Variants in MAGI2 observed in about 807,000 individuals in gnomAD.
The protein encoded by MAGI2 is membrane-associated guanylate kinase, WW and PDZ domain-containing protein 2.
Under a neutral mutation model 133.3 loss-of-function variants are expected in MAGI2, and 35 were observed. The ratio of observed to expected loss-of-function variants is 0.26; its 90% CI spans 0.20 to 0.35. MAGI2 has a LOEUF of 0.35. Ranked by LOEUF, MAGI2 falls within the 10% of genes least tolerant of loss-of-function variation. MAGI2 has a pLI of 1.00. For synonymous variants in MAGI2, 729 were observed against 710.6 expected, an observed-to-expected ratio of 1.03 and a Z score of -0.41; for missense variants, 1,636 against 1,863.4, an observed-to-expected ratio of 0.88 and a Z score of 2.25.
rs150358429 is a variant in MAGI2, at chr7:79,033,700, C to A, written c.302-26494G>T. 3.9e-3 allele frequency among the ~76,000 whole-genome samples: 593 copies of A among 152,234 alleles called. 3 individuals are homozygous for A. The highest frequency in any genetic ancestry group is 0.014 in the African/African-American group (561 of 41,554). On this transcript the variant is annotated intron_variant, in intron 1 of 21. Transcript: ENST00000354212. ...TTGGTTAGAAAAATTGTAGTGGATT[C>A]ATTGTTATTACATGAACAAAGCATA...
At chr7:78,539,478 GTTTT>G (rs558119871) in intron 3 of MAGI2, among the ~76,000 whole-genome samples, 1 of 142,496 alleles carries the variant, frequency 7.0e-6, no homozygotes, top group African/African-American at 2.5e-5. Context: ...TAGTTTTTTT[GTTTT>G]TTTGTTTTTT....
intron 1 of MAGI2, among the ~76,000 whole-genome samples, chr7:79,445,102 G>T (rs1848752561): frequency 6.6e-6 from 1 of 152,126 alleles, no homozygotes; most frequent in Admixed American, 6.5e-5. Flanking sequence ...TGGGAAAACT[G>T]GCTAGCCATA....
chr7:79,115,342 A>T (rs1181860077), intron 1 of MAGI2, among the ~76,000 whole-genome samples: 2 of 152,242 alleles, frequency 1.3e-5, no homozygotes, highest in Non-Finnish European at 2.9e-5. Flanking sequence ...AATTTAAAAC[A>T]GAAATTCAAT....
intron 7 of MAGI2, among the ~76,000 whole-genome samples, chr7:78,348,120 G>A (rs17150580): frequency 0.037 from 5,594 of 152,204 alleles, 158 homozygotes; most frequent in South Asian, 0.13. Flanking sequence ...TGCCCTCTAC[G>A]TTGAACATAC....
chr7:78,056,674 G>T (rs1812607376), intron 21 of MAGI2, among the ~76,000 whole-genome samples: 1 of 152,090 alleles, frequency 6.6e-6, no homozygotes. Context: ...GTCAGGGCTT[G>T]GGGGGAAGGA....
At chr7:78,743,598 T>C (rs1822633666) in intron 2 of MAGI2, among the ~76,000 whole-genome samples, 1 of 152,194 alleles carries the variant, frequency 6.6e-6, no homozygotes, top group African/African-American at 2.4e-5. Flanking sequence ...TGACAGGTAT[T>C]ATTTTTCTTT....
intron 2 of MAGI2, among the ~76,000 whole-genome samples, chr7:78,739,435 T>C (rs140013439): frequency 3.3e-5 from 5 of 152,230 alleles, no homozygotes; most frequent in South Asian, 2.1e-4. Context: ...AATGTGGTGA[T>C]AGAACGAGGT....
intron 2 of MAGI2, among the ~76,000 whole-genome samples, chr7:78,791,584 C>A (rs1440875498): frequency 6.6e-6 from 1 of 150,782 alleles, no homozygotes; most frequent in Non-Finnish European, 1.5e-5. Context: ...CTCTGTTGCC[C>A]AGGCTAGAGT....
chr7:78,573,212 A>G, intron 3 of MAGI2, among the ~76,000 whole-genome samples: 1 of 79,354 alleles, frequency 1.3e-5, no homozygotes, highest in East Asian at 3.2e-4. Flanking sequence ...ATAAATATAT[A>G]TATAAATATA....
At chr7:78,630,062 A>C (rs999511123) in intron 2 of MAGI2, among the ~76,000 whole-genome samples, 5 of 152,026 alleles carry the variant, frequency 3.3e-5, no homozygotes, top group African/African-American at 9.7e-5. Context: ...CTGATTTTTA[A>C]AAAGCAGACC....
In MAGI2 at chr7:78,521,423, G is replaced by A. The variant is rs759187683; in HGVS notation, c.754+7C>T. The A allele has an allele frequency of 6.2e-7, 1 of 1,610,636 alleles. No individual in the cohort carries two copies. The highest frequency in any genetic ancestry group is 1.7e-5 in the Admixed American group (1 of 59,976). ...TTATGAAGCCATAAAAAATGTAAATGACTAACCTGGTGTTACTACTACTCC... is the reference window on the plus strand; with the variant it reads ...TTATGAAGCCATAAAAAATGTAAATAACTAACCTGGTGTTACTACTACTCC... On this transcript the variant is annotated splice_region_variant and intron_variant, in intron 4 of 21. Transcript: ENST00000354212.
chr7:79,133,896 T>C (rs1821154464), intron 1 of MAGI2, among the ~76,000 whole-genome samples: 1 of 152,160 alleles, frequency 6.6e-6, no homozygotes, highest in African/African-American at 2.4e-5. Context: ...GGGACCCATG[T>C]AATAACTAAA....
chr7:78,404,985 C>T (rs572701566), intron 6 of MAGI2, among the ~76,000 whole-genome samples: 11 of 152,196 alleles, frequency 7.2e-5, no homozygotes, highest in African/African-American at 2.6e-4. Context: ...AAAAATCAAA[C>T]AACCCCATCA....
intron 6 of MAGI2, among the ~76,000 whole-genome samples, chr7:78,377,502 C>A (rs1030633696): frequency 1.8e-4 from 28 of 151,588 alleles, no homozygotes; most frequent in African/African-American, 6.3e-4. Flanking sequence ...TGGGAAGGCC[C>A]AGCTTCTGAA....
chr7:78,612,191 G>A (rs907313290), intron 3 of MAGI2, among the ~76,000 whole-genome samples: 1 of 151,988 alleles, frequency 6.6e-6, no homozygotes, highest in African/African-American at 2.4e-5. Context: ...GCAAAAAAAT[G>A]TTTTGAGTAA....
chr7:78,750,371 G>A (rs995907425), intron 2 of MAGI2, among the ~76,000 whole-genome samples: 3 of 152,126 alleles, frequency 2.0e-5, no homozygotes. Context: ...TGTCTTTATG[G>A]TAGAATGATT....
chr7:78,192,469 T>C (rs1225282029), intron 12 of MAGI2, among the ~76,000 whole-genome samples: 1 of 151,608 alleles, frequency 6.6e-6, no homozygotes, highest in Non-Finnish European at 1.5e-5. Context: ...TTTAAACATT[T>C]ACATGAGAAA....
At chr7:78,445,629 T>G (rs1671213730) in intron 6 of MAGI2, among the ~76,000 whole-genome samples, 1 of 152,072 alleles carries the variant, frequency 6.6e-6, no homozygotes, top group Non-Finnish European at 1.5e-5. Context: ...TGGCACTTAT[T>G]CCTCCTGAAA....
chr7:79,047,118 A>T, intron 1 of MAGI2, among the ~76,000 whole-genome samples: 1 of 152,152 alleles, frequency 6.6e-6, no homozygotes, highest in East Asian at 1.9e-4. Flanking sequence ...AGGCTATTTT[A>T]TTACTGACTT....
Sources: allele counts gnomAD v4.1 joint callset (sites outside exome capture counted in the v4.1 genomes callset), GRCh38; gene constraint gnomAD v4.1.1; transcripts MANE v1.5; gene names NCBI Gene and HGNC (gene_info 2026-07-23, HGNC 2026-07-21).